FARP1: variants seen among roughly 807,000 people sequenced by gnomAD.
FARP1 encodes the protein FERM, ARHGEF and pleckstrin domain-containing protein 1.
A neutral mutation model predicts 128.8 loss-of-function variants in FARP1; 52 were observed. The observed-to-expected ratio is 0.40, with a 90% CI of 0.32 to 0.51. FARP1 has a LOEUF of 0.51. FARP1 is among the 20% of genes least tolerant of loss of function. FARP1 has a pLI of 0.45. For synonymous variants in FARP1, 580 were observed against 551.8 expected (o/e 1.05, Z -0.72); for missense variants, 1,333 against 1,367.9 (o/e 0.97, Z 0.40).
intron 13 of FARP1, chr13:98,398,885 C>A (rs1482115532): frequency 6.6e-6 from 1 of 152,128 alleles, no homozygotes; most frequent in East Asian, 1.9e-4. Context: ...ACTTACACAG[C>A]GTATGACAGG....
chr13:98,275,147 C>G (rs1884576301), intron 2 of FARP1, among the ~76,000 whole-genome samples: 1 of 152,152 alleles, frequency 6.6e-6, no homozygotes, highest in South Asian at 2.1e-4. Flanking sequence ...CTTTGGTTTT[C>G]TGTATGTGAT....
At chr13:98,441,458 C>T (rs1458261950) in intron 24 of FARP1, among the ~76,000 whole-genome samples, 3 of 152,204 alleles carry the variant, frequency 2.0e-5, no homozygotes, top group Admixed American at 1.3e-4. Flanking sequence ...AACAGGGCGC[C>T]GTGGGGAGCT....
At chr13:98,330,830 C>T (rs1276432534) in intron 2 of FARP1, among the ~76,000 whole-genome samples, 3 of 152,064 alleles carry the variant, frequency 2.0e-5, no homozygotes, top group Non-Finnish European at 4.4e-5. Flanking sequence ...TCCTGAGTGT[C>T]ATGAGTGTCC....
At chr13:98,344,221 G>T (rs1002947542) in intron 3 of FARP1, among the ~76,000 whole-genome samples, 5 of 152,208 alleles carry the variant, frequency 3.3e-5, no homozygotes, top group African/African-American at 9.7e-5. Flanking sequence ...CCAGACTGGA[G>T]TCAAGAAAGC....
chr13:98,382,796 C>G (rs996124796), intron 6 of FARP1, among the ~76,000 whole-genome samples: 1 of 151,840 alleles, frequency 6.6e-6, no homozygotes, highest in East Asian at 1.9e-4. Flanking sequence ...CCACGCTTTT[C>G]GCATTTTTGT....
intron 2 of FARP1, among the ~76,000 whole-genome samples, chr13:98,287,204 A>AGGCC (rs1327624660): frequency 1.2e-4 from 14 of 114,844 alleles, no homozygotes; most frequent in Admixed American, 1.8e-4. Flanking sequence ...ACCATCAGAC[A>AGGCC]TGTCTTTTTT....
chr13:98,163,443 CTAAAA>C (rs564198815), intron 1 of FARP1, among the ~76,000 whole-genome samples: 107 of 152,134 alleles, frequency 7.0e-4, no homozygotes, highest in Non-Finnish European at 1.0e-3. Flanking sequence ...TACCCTGAAC[CTAAAA>C]TAAAAGTTAA....
intron 18 of FARP1, 164 bp from the exon 19 acceptor site, chr13:98,435,412 T>C (rs1172513442): frequency 1.6e-6 from 1 of 641,020 alleles, no homozygotes; most frequent in Non-Finnish European, 2.6e-6. Context: ...AAATACACCA[T>C]CAATTTTTAT....
At chr13:98,380,419 T>C (rs1473326499) in intron 6 of FARP1, among the ~76,000 whole-genome samples, 1 of 147,848 alleles carries the variant, frequency 6.8e-6, no homozygotes, top group African/African-American at 2.5e-5. Flanking sequence ...AGAGTGAGAC[T>C]CTGTCTAAAA....
chr13:98,170,149 A>AT (rs1877552289), intron 1 of FARP1, among the ~76,000 whole-genome samples: 1 of 152,058 alleles, frequency 6.6e-6, no homozygotes, highest in Non-Finnish European at 1.5e-5. Context: ...AATAGTCTAG[A>AT]TTTTAAAACA....
chr13:98,278,069 G>GTCAAAATCTGGCGATCTGTTATTTAAC (rs1277742853), intron 2 of FARP1, among the ~76,000 whole-genome samples: 2 of 151,468 alleles, frequency 1.3e-5, no homozygotes, highest in African/African-American at 2.4e-5. Flanking sequence ...GTTTTAAATG[G>GTCAAAATCTGGCGATCTGTTATTTAAC]AGCTTAAGGG....
At chr13:98,334,642 A>G (rs1887665244) in intron 2 of FARP1, among the ~76,000 whole-genome samples, 1 of 152,160 alleles carries the variant, frequency 6.6e-6, no homozygotes, top group African/African-American at 2.4e-5. Context: ...TAATTAATTT[A>G]TTGATGCCCT....
At chr13:98,408,322 CTTTTTTTTTT>C (rs34532263) in intron 13 of FARP1, among the ~76,000 whole-genome samples, 3 of 90,164 alleles carry the variant, frequency 3.3e-5, no homozygotes, top group East Asian at 3.1e-4. Context: ...GTAATATATA[CTTTTTTTTTT>C]TTTTTTTTTT....
intron 1 of FARP1, chr13:98,177,133 T>A: frequency 6.2e-7 from 1 of 1,605,148 alleles, no homozygotes; most frequent in Non-Finnish European, 8.5e-7. Context: ...GGCCGGGCGC[T>A]TTCTGAGGCC....
intron 2 of FARP1, among the ~76,000 whole-genome samples, chr13:98,313,947 G>A (rs1195708280): frequency 2.0e-5 from 3 of 152,164 alleles, no homozygotes; most frequent in Non-Finnish European, 4.4e-5. Context: ...CAAAGACTGG[G>A]TTTAGGATGA....
Position 98,314,246 on chromosome 13 carries a change from G to A in FARP1, c.172-29516G>A, listed in dbSNP as rs188416305. Among the ~76,000 whole-genome samples the A allele has an allele frequency of 7.4e-3, 1,107 of 150,328 alleles. 7 individuals carry two copies. The highest frequency in any genetic ancestry group is 0.013 in the Non-Finnish European group (854 of 67,726). ...CCTACTATATACCTGGCATTCTGCT[G>A]GTTAGCAACATTTATTATATTTTAT... On this transcript the variant is annotated intron_variant, in intron 2 of 26. Transcript: ENST00000319562.
chr13:98,421,834 C>A (rs77862218), intron 16 of FARP1, among the ~76,000 whole-genome samples: 9,304 of 150,746 alleles, frequency 0.062, 689 homozygotes, highest in East Asian at 0.3. Context: ...CCCTGGGTGA[C>A]AAAGCAAGAC....
intron 1 of FARP1, among the ~76,000 whole-genome samples, chr13:98,157,370 GCCTT>G (rs1876567506): frequency 6.6e-6 from 1 of 151,252 alleles, no homozygotes; most frequent in African/African-American, 2.4e-5. Context: ...AAGCCACAGA[GCCTT>G]CCTCTGTCAC....
At chr13:98,189,874 T>G (rs1343079473) in intron 1 of FARP1, among the ~76,000 whole-genome samples, 1 of 152,232 alleles carries the variant, frequency 6.6e-6, no homozygotes, top group African/African-American at 2.4e-5. Context: ...GGTTGGCTAT[T>G]CTTGTTGAAA....
Sources: gnomAD v4.1 joint callset for allele counts (sites outside exome capture counted in the v4.1 genomes callset) on GRCh38, gnomAD v4.1.1 for gene constraint, MANE v1.5 for transcripts, NCBI Gene and HGNC (gene_info 2026-07-23, HGNC 2026-07-21) for gene names.